TLN2: variants seen among roughly 807,000 people sequenced by gnomAD.
TLN2 encodes talin-2.
In TLN2, 118 loss-of-function variants were observed where a neutral mutation model predicts 294.7. The ratio of observed to expected loss-of-function variants is 0.40; its 90% CI spans 0.34 to 0.47. TLN2 has a LOEUF of 0.47. Among genes scored for constraint, TLN2 ranks in the 20% least tolerant of loss-of-function variants. TLN2 has a pLI of 0.84. For synonymous variants in TLN2, 1,431 were observed against 1,304.5 expected (o/e 1.10, Z -2.09); for missense variants, 3,083 against 3,282.2 (o/e 0.94, Z 1.48).
chr15:62,470,810 A>G (rs12148566), intron 1 of TLN2, among the ~76,000 whole-genome samples: 36,399 of 152,216 alleles, frequency 0.24, 4,551 homozygotes, highest in Non-Finnish European at 0.27. Flanking sequence ...TAGTAGTTGT[A>G]CTTTCAGTAT....
At chr15:62,547,272 T>G (rs16945258) in intron 1 of TLN2, among the ~76,000 whole-genome samples, 4,733 of 152,314 alleles carry the variant, frequency 0.031, 246 homozygotes, top group African/African-American at 0.11. Context: ...GTCAAAATCC[T>G]TGTGCAGATA....
intron 1 of TLN2, among the ~76,000 whole-genome samples, chr15:62,390,920 C>T (rs2032017815): frequency 1.3e-5 from 2 of 152,230 alleles, no homozygotes; most frequent in African/African-American, 4.8e-5. Context: ...ATGCACCTGT[C>T]TATTGCACAT....
In TLN2 at chr15:62,529,826, C is replaced by T. The variant is rs116303918; in HGVS notation, c.-237-59861C>T. 8.9e-3 allele frequency among the ~76,000 whole-genome samples: 1,351 copies of T among 152,322 alleles called. 15 individuals are homozygous for T. Among genetic ancestry groups the T allele is most frequent in the African/African-American group, 0.031 (1,302 of 41,582 alleles). ...ATTTAAAAAATGGCTGCATAGTATT[C>T]TATCATATGGATGCACTGTAACTTA... is the stretch of plus-strand genomic sequence containing the variant. On this transcript the variant is annotated intron_variant, in intron 1 of 58. Coordinates refer to ENST00000636159, the MANE Select transcript of TLN2 (RefSeq NM_015059.3).
intron 3 of TLN2, among the ~76,000 whole-genome samples, chr15:62,643,027 G>A (rs1187849516): frequency 1.3e-5 from 2 of 152,044 alleles, no homozygotes; most frequent in African/African-American, 4.8e-5. Flanking sequence ...TTTTGCTATA[G>A]GGTAAGTCAT....
At chr15:62,494,485 C>A (rs1312492408) in intron 1 of TLN2, among the ~76,000 whole-genome samples, 1 of 151,914 alleles carries the variant, frequency 6.6e-6, no homozygotes, top group East Asian at 1.9e-4. Flanking sequence ...ACCTTTTTTC[C>A]CTTAAGAAGG....
In TLN2 at chr15:62,439,521, C is replaced by T. The variant is rs138134613; in HGVS notation, c.-238+48836C>T. On this transcript the variant is annotated intron_variant, in intron 1 of 58. Transcript: ENST00000636159. ...AGAGACAGGGTTTAGTCATGTTGGC[C>T]AGGCTGGTCTCGAGCTCCTGACCTC... Among the ~76,000 whole-genome samples the T allele has an allele frequency of 6.0e-4, 92 of 152,288 alleles. 2 individuals carry two copies. In the East Asian group the frequency reaches 0.011, roughly 19 times the overall value.
chr15:62,654,110 A>G (rs1241228134), intron 7 of TLN2, among the ~76,000 whole-genome samples: 3 of 152,190 alleles, frequency 2.0e-5, no homozygotes, highest in African/African-American at 4.8e-5. Flanking sequence ...GAAATATATA[A>G]TACGTTATTA....
intron 54 of TLN2, among the ~76,000 whole-genome samples, chr15:62,825,836 A>ATATATATTTAT (rs1555522053): frequency 2.6e-5 from 2 of 77,064 alleles, no homozygotes; most frequent in Non-Finnish European, 4.1e-5. Context: ...TATAATATAT[A>ATATATATTTAT]ATATATATAA....
At chr15:62,496,294 A>G (rs1003634731) in intron 1 of TLN2, among the ~76,000 whole-genome samples, 11 of 152,248 alleles carry the variant, frequency 7.2e-5, no homozygotes, top group African/African-American at 4.8e-5. Context: ...TTACTTCTCA[A>G]AAGGCCTACT....
At chr15:62,753,621 C>T in intron 35 of TLN2, 152 bp from the exon 36 acceptor site, 1 of 849,616 alleles carries the variant, frequency 1.2e-6, no homozygotes, top group Non-Finnish European at 1.7e-6. Flanking sequence ...ATTATTACAC[C>T]CTTATTGGTG....
intron 51 of TLN2, among the ~76,000 whole-genome samples, chr15:62,808,099 G>A (rs1396506655): frequency 2.0e-5 from 3 of 152,134 alleles, no homozygotes; most frequent in South Asian, 4.1e-4. Flanking sequence ...GCCCACACAC[G>A]GAGGGGCAGA....
chr15:62,819,728 GA>G, intron 53 of TLN2, 107 bp downstream of exon 53: 1 of 934,328 alleles, frequency 1.1e-6, no homozygotes, highest in African/African-American at 1.6e-5. Context: ...TTAGCTGGCA[GA>G]TGCAGCCAGG....
At chr15:62,394,850 GTCTT>G (rs1040006981) in intron 1 of TLN2, among the ~76,000 whole-genome samples, 23 of 152,108 alleles carry the variant, frequency 1.5e-4, no homozygotes, top group Non-Finnish European at 1.3e-4. Flanking sequence ...AGTTGTGAGA[GTCTT>G]TATATGTCAC....
intron 1 of TLN2, among the ~76,000 whole-genome samples, chr15:62,402,167 A>G (rs1407416382): frequency 6.6e-6 from 1 of 152,200 alleles, no homozygotes; most frequent in Non-Finnish European, 1.5e-5. Context: ...ACTGGGTATA[A>G]TGTACTTTCA....
intron 37 of TLN2, among the ~76,000 whole-genome samples, chr15:62,760,637 A>T (rs1047345851): frequency 6.6e-6 from 1 of 152,062 alleles, no homozygotes; most frequent in Non-Finnish European, 1.5e-5. Flanking sequence ...GATCCTGAGG[A>T]GGTAGAGTCC....
chr15:62,786,327 C>T (rs969144860), intron 45 of TLN2, among the ~76,000 whole-genome samples: 1 of 152,186 alleles, frequency 6.6e-6, no homozygotes, highest in African/African-American at 2.4e-5. Flanking sequence ...GCATTTTGGT[C>T]TTTTCCAGAA....
At chr15:62,637,932 G>GA (rs1386685683) in intron 3 of TLN2, 1 of 152,300 alleles carries the variant, frequency 6.6e-6, no homozygotes. Context: ...TGCAGGGATT[G>GA]AAAAATCATC....
At chr15:62,491,406 G>T (rs1291839370) in intron 1 of TLN2, among the ~76,000 whole-genome samples, 1 of 124,988 alleles carries the variant, frequency 8.0e-6, no homozygotes, top group Non-Finnish European at 1.7e-5. Context: ...ATTTATATAA[G>T]ATGTACATTG....
Position 62,781,189 on chromosome 15 carries a change from AGAC to A in TLN2, c.5568_5570del (p.Thr1857del). The A allele has an allele frequency of 3.1e-6, 5 of 1,614,230 alleles. No homozygotes were observed. Among genetic ancestry groups the A allele is most frequent in the Non-Finnish European group, 4.2e-6 (5 of 1,180,040 alleles). On this transcript the variant is annotated inframe_deletion, in exon 44 of 59. Coordinates refer to ENST00000636159, the MANE Select transcript of TLN2 (RefSeq NM_015059.3). The stretch of plus-strand genomic sequence containing the variant: ...CCAAAGGGAACATTTGTCGACTATC[AGAC>A]GACTGTGGTTAAATACTCCAAAGCC...
Sources: allele counts gnomAD v4.1 joint callset (sites outside exome capture counted in the v4.1 genomes callset), GRCh38; gene constraint gnomAD v4.1.1; transcripts MANE v1.5; gene names NCBI Gene and HGNC (gene_info 2026-07-23, HGNC 2026-07-21).